Variants in PCF11 observed in about 807,000 individuals in gnomAD.
PCF11 encodes PCF11 cleavage and polyadenylation factor subunit.
PCF11 carries 19 observed loss-of-function variants against 166.1 expected under a neutral mutation model. That is an observed-to-expected ratio of 0.11 (90% CI 0.08 to 0.17). The LOEUF (loss-of-function observed/expected upper bound fraction) is 0.17. Among genes scored for constraint, PCF11 ranks in the 10% least tolerant of loss-of-function variants. The pLI, the probability that PCF11 is intolerant of heterozygous loss-of-function variation, is 1.00. For synonymous variants in PCF11, 663 were observed against 644.1 expected, an observed-to-expected ratio of 1.03 and a Z score of -0.44; for missense variants, 1,565 against 1,855.5, an observed-to-expected ratio of 0.84 and a Z score of 2.88.
intron 1 of PCF11, among the ~76,000 whole-genome samples, chr11:83,160,423 C>G (rs1035950625): frequency 2.8e-5 from 4 of 142,684 alleles, no homozygotes; most frequent in Non-Finnish European, 4.5e-5. Context: ...TAATGCTCCT[C>G]AACAAGTCTG....
chr11:83,169,477 C>A (rs1049225874), exon 8 of PCF11: 1 of 1,613,730 alleles, frequency 6.2e-7, no homozygotes, highest in South Asian at 1.1e-5. Context: ...TCAGCCGTCA[C>A]TCTTGCCAAG....
exon 8 of PCF11, chr11:83,169,686 C>T: frequency 6.2e-7 from 1 of 1,613,860 alleles, no homozygotes; most frequent in Non-Finnish European, 8.5e-7. Context: ...CAAGATTTGA[C>T]AATCATCCTT....
At chr11:83,165,715 C>G in exon 5 of PCF11, 1 of 1,613,800 alleles carries the variant, frequency 6.2e-7, no homozygotes, top group Non-Finnish European at 8.5e-7. Flanking sequence ...CATCAGGTTC[C>G]TGTGCAATCT....
chr11:83,169,098 T>A (rs755456498), exon 8 of PCF11: 1 of 1,613,652 alleles, frequency 6.2e-7, no homozygotes, highest in Admixed American at 1.7e-5. Context: ...AGGGGGGTCA[T>A]GGTCCATCAG....
At chr11:83,157,890 G>T (rs1860057825) in intron 1 of PCF11, 2 of 514,066 alleles carry the variant, frequency 3.9e-6, no homozygotes, top group Admixed American at 3.3e-5. Flanking sequence ...TGTATATCCC[G>T]ACACACACAC....
At chr11:83,182,748 C>G (rs1408183821) in intron 14 of PCF11, among the ~76,000 whole-genome samples, 1 of 152,082 alleles carries the variant, frequency 6.6e-6, no homozygotes, top group African/African-American at 2.4e-5. Context: ...TCTAGTTAGT[C>G]GTTTTTCTGT....
At chr11:83,172,074 T>C (rs759354995) in intron 9 of PCF11, among the ~76,000 whole-genome samples, 160 bp downstream of exon 9, 1 of 152,230 alleles carries the variant, frequency 6.6e-6, no homozygotes, top group Non-Finnish European at 1.5e-5. Flanking sequence ...TCTAAGTTTA[T>C]TTACATTGTG....
At chr11:83,177,783 C>T in exon 11 of PCF11, 1 of 1,534,590 alleles carries the variant, frequency 6.5e-7, no homozygotes, top group Non-Finnish European at 8.8e-7. Flanking sequence ...CAAGATGTTC[C>T]AGATCTTACT....
chr11:83,183,033 T>C lies in PCF11; in HGVS notation c.4417-5T>C. On this transcript the variant is annotated splice_region_variant and splice_polypyrimidine_tract_variant and intron_variant, in intron 14 of 15. Coordinates refer to ENST00000298281, the Ensembl canonical transcript of PCF11. The stretch of plus-strand genomic sequence containing the variant: ...ACATATTTACTTTTTTTCTTTTTGC[T>C]TCAGATTTATCATCCATCATGTTAT... 7.0e-7 allele frequency: 1 copy of C among 1,425,296 alleles called. No individual in the cohort carries two copies. Among genetic ancestry groups the C allele is most frequent in the Non-Finnish European group, 9.7e-7 (1 of 1,027,514 alleles). The allele number at this position is 1,425,296 out of a possible 1,614,324, so 88.3% of individuals were successfully genotyped here.
chr11:83,160,145 G>A (rs1860175906), intron 1 of PCF11, among the ~76,000 whole-genome samples: 1 of 152,058 alleles, frequency 6.6e-6, no homozygotes, highest in Non-Finnish European at 1.5e-5. Flanking sequence ...TTGTAAAGGT[G>A]TTATCAGAAG....
intron 2 of PCF11, among the ~76,000 whole-genome samples, chr11:83,162,274 A>G (rs1219346843): frequency 6.6e-6 from 1 of 152,222 alleles, no homozygotes; most frequent in African/African-American, 2.4e-5. Flanking sequence ...ATATTTTAGT[A>G]GATGAACACC....
At chr11:83,165,693 G>A (rs751699546) in exon 5 of PCF11, 1 of 1,613,744 alleles carries the variant, frequency 6.2e-7, no homozygotes, top group East Asian at 2.2e-5. Context: ...CCCTATGGCA[G>A]TTAAAGCTCC....
chr11:83,168,719 C>T lies in PCF11; in HGVS notation c.2384C>T (p.Pro795Leu), dbSNP rs74589009. The T allele has an allele frequency of 4.6e-3, 7,448 of 1,613,924 alleles. 25 individuals are homozygous for T. Among genetic ancestry groups the T allele is most frequent in the Admixed American group, 5.9e-3 (357 of 60,020 alleles). Reference sequence around the variant, plus strand: ...GCTTCTCTTCGGTTTGATGGGTCACCAGGACAAATGGGGGGAGGAGGCCCT... The same window carrying T: ...GCTTCTCTTCGGTTTGATGGGTCACTAGGACAAATGGGGGGAGGAGGCCCT... Residue 795 changes from proline to leucine, a missense_variant, in exon 8 of 16, where the codon CCA becomes CTA. Pro to Leu is a moderately conservative substitution (Grantham distance 98). Transcript: ENST00000298281.
intron 3 of PCF11, 37 bp from the exon 4 acceptor site, chr11:83,164,170 G>A: frequency 6.8e-7 from 1 of 1,478,822 alleles, no homozygotes. Flanking sequence ...CGTTTTAGCT[G>A]ATACGTTTTT....
intron 4 of PCF11, among the ~76,000 whole-genome samples, 165 bp from the exon 5 acceptor site, chr11:83,165,429 ACTTTTT>A (rs1001914461): frequency 5.3e-5 from 8 of 152,306 alleles, no homozygotes; most frequent in African/African-American, 1.9e-4. Context: ...TAAATCATGG[ACTTTTT>A]CTTTTCATTG....
At chr11:83,179,038 AAAAT>A (rs1425607850) in intron 11 of PCF11, among the ~76,000 whole-genome samples, 1 of 152,158 alleles carries the variant, frequency 6.6e-6, no homozygotes, top group African/African-American at 2.4e-5. Flanking sequence ...TATAAAAAAT[AAAAT>A]AGTGAATGAG....
In PCF11 at chr11:83,169,168, G is replaced by A. The variant is rs780970993; in HGVS notation, c.2833G>A (p.Gly945Ser). 32 of 1,613,348 alleles carry A rather than the reference G, an allele frequency of 2.0e-5. No homozygotes were observed. In the Admixed American group the frequency reaches 4.5e-4, roughly 23 times the overall value. Residue 945 changes from glycine (G) to serine (S), a missense_variant, in exon 8 of 16, where the codon GGC (glycine) becomes AGC (serine). Around this residue, in one of 12 missense-constraint regions of PCF11, gnomAD observed 725 missense variants for 749.3 expected, o/e 0.97. Transcript: ENST00000298281. ...GCCAGGAGGTGGAATCAGATTTGAG[G>A]GCCCTTTGCTACAGCAAGGGGTTGG...
At chr11:83,166,466 A>G (rs1326399472) in exon 5 of PCF11, 6 of 1,613,908 alleles carry the variant, frequency 3.7e-6, no homozygotes, top group South Asian at 1.1e-5. Flanking sequence ...AGATTCGCCA[A>G]TCTGGAGCTA....
chr11:83,172,744 A>G (rs1301727018), intron 9 of PCF11, among the ~76,000 whole-genome samples: 3 of 152,176 alleles, frequency 2.0e-5, no homozygotes, highest in African/African-American at 7.2e-5. Flanking sequence ...ATATGTGGTA[A>G]TAGGGAAGTA....
Sources: gnomAD v4.1 joint callset for allele counts (sites outside exome capture counted in the v4.1 genomes callset) on GRCh38, gnomAD v4.1.1 for gene constraint, gnomAD v4.1.1 regional missense constraint, MANE v1.5 for transcripts, NCBI Gene and HGNC (gene_info 2026-07-23, HGNC 2026-07-21) for gene names.